Variants in OSBP2 observed in about 807,000 individuals in gnomAD.
OSBP2 encodes oxysterol binding protein 2.
Under a neutral mutation model 96.0 loss-of-function variants are expected in OSBP2, and 66 were observed. The observed-to-expected ratio is 0.69, with a 90% confidence interval of 0.56 to 0.84. The LOEUF (loss-of-function observed/expected upper bound fraction) is 0.84. OSBP2 is among the 40% of genes least tolerant of loss of function. The probability of loss-of-function intolerance (pLI) is 0.00; values close to 1 mark genes in which losing one functional copy is unlikely to be tolerated. For missense variants in OSBP2, 1,038 were observed against 1,222.7 expected, an observed-to-expected ratio of 0.85 and a Z score of 2.25; for synonymous variants, 525 against 520.9, an observed-to-expected ratio of 1.01 and a Z score of -0.11.
chr22:30,858,021 G>C (rs1602366823), intron 2 of OSBP2, among the ~76,000 whole-genome samples: 1 of 152,204 alleles, frequency 6.6e-6, no homozygotes, highest in East Asian at 1.9e-4. Flanking sequence ...AGTATGCCGG[G>C]GGAAAGAGAG....
chr22:30,880,896 C>A (rs1190757410), intron 3 of OSBP2, among the ~76,000 whole-genome samples: 2 of 152,192 alleles, frequency 1.3e-5, no homozygotes, highest in African/African-American at 4.8e-5. Flanking sequence ...TGGCATGGCC[C>A]CTGACTTGGT....
intron 1 of OSBP2, among the ~76,000 whole-genome samples, chr22:30,725,555 A>AC (rs200599171): frequency 5.9e-5 from 9 of 151,444 alleles, no homozygotes; most frequent in South Asian, 2.1e-4. Context: ...CAAAAAAAAA[A>AC]ACACACAAAA....
At chr22:30,869,751 CT>C (rs1196065095) in intron 2 of OSBP2, among the ~76,000 whole-genome samples, 14 of 152,054 alleles carry the variant, frequency 9.2e-5, no homozygotes, top group Non-Finnish European at 1.6e-4. Flanking sequence ...TGCCCAGGCT[CT>C]TTTGGCAGAG....
At chr22:30,784,155 A>G (rs2090555703) in intron 2 of OSBP2, among the ~76,000 whole-genome samples, 1 of 149,070 alleles carries the variant, frequency 6.7e-6, no homozygotes, top group Non-Finnish European at 1.5e-5. Context: ...CTCCAGAAAC[A>G]GATTTATGTA....
At position 30,881,772 on chromosome 22, in the gene OSBP2, G is replaced by A; in HGVS notation, c.1108-5654G>A. Reference sequence around the variant, plus strand: ...CCTGGAGAAGGCCGGCAGCAGCAGAGGAGACCCTGGGAGTCAGGGATGGAC... The same window carrying A: ...CCTGGAGAAGGCCGGCAGCAGCAGAAGAGACCCTGGGAGTCAGGGATGGAC... On this transcript the variant is annotated intron_variant, in intron 3 of 13. Coordinates refer to ENST00000332585, the MANE Select transcript of OSBP2 (RefSeq NM_030758.4). The surrounding 1 kb of genome is among the most constrained non-coding windows in gnomAD (Gnocchi z 4.5). The A allele has an allele frequency of 1.5e-6, 2 of 1,304,212 alleles. No individual in the cohort carries two copies. Among genetic ancestry groups the A allele is most frequent in the Non-Finnish European group, 2.0e-6 (2 of 988,936 alleles). 80.8% of individuals were successfully genotyped at this position (1,304,212 alleles called of 1,614,324 possible).
intron 2 of OSBP2, among the ~76,000 whole-genome samples, chr22:30,776,005 A>G (rs1365364578): frequency 6.6e-6 from 1 of 151,980 alleles, no homozygotes; most frequent in Non-Finnish European, 1.5e-5. Flanking sequence ...CATGTTGTCC[A>G]GGCTGGTCTT....
rs1328720124 is a variant in OSBP2 at position 30,905,998 on chromosome 22, A to G, written c.2537A>G (p.Glu846Gly). Residue 846 changes from glutamate to glycine, a missense_variant, in exon 13 of 14, where the codon GAG becomes GGG. Physicochemically the swap from Glu to Gly is moderately conservative, Grantham distance 98. Around this residue, in one of 3 missense-constraint regions of OSBP2, gnomAD observed 737 missense variants for 913.3 expected, o/e 0.81. Transcript: ENST00000332585. The part of the protein sequence containing the change: ...EANTEKQRLE[E>G]KQRLSRRRRL... ...AATACCGAGAAGCAGCGGCTGGAGG[A>G]GAAGCAGCGCCTGTCGCGGCGCCGG... 2 of 1,595,256 alleles carry G rather than the reference A, an allele frequency of 1.3e-6. No homozygotes were observed. The highest frequency in any genetic ancestry group is 2.2e-5 in the South Asian group (2 of 89,326).
chr22:30,738,590 C>T (rs547432681), intron 1 of OSBP2, among the ~76,000 whole-genome samples: 2 of 150,988 alleles, frequency 1.3e-5, no homozygotes, highest in South Asian at 2.1e-4. Flanking sequence ...GACGGAGTTT[C>T]GCTCTTGTTG....
At chr22:30,773,248 A>G (rs1031524925) in intron 2 of OSBP2, 1 of 150,606 alleles carries the variant, frequency 6.6e-6, no homozygotes, top group African/African-American at 2.5e-5. Context: ...GCTTACAGGT[A>G]TGTGCCTGGT....
chr22:30,803,633 G>A (rs1200897738), intron 2 of OSBP2, among the ~76,000 whole-genome samples: 2 of 152,222 alleles, frequency 1.3e-5, no homozygotes, highest in African/African-American at 4.8e-5. Flanking sequence ...GGGGCTACAA[G>A]CGAGAAGTAG....
intron 2 of OSBP2, among the ~76,000 whole-genome samples, chr22:30,772,561 C>T (rs557810686): frequency 2.0e-5 from 3 of 152,310 alleles, no homozygotes; most frequent in Admixed American, 6.5e-5. Flanking sequence ...AGCCTGGCCA[C>T]AGAAGCCCTC....
intron 1 of OSBP2, among the ~76,000 whole-genome samples, chr22:30,732,612 C>T (rs1430686341): frequency 6.6e-6 from 1 of 152,200 alleles, no homozygotes; most frequent in South Asian, 2.1e-4. Context: ...ATCCTCTAAC[C>T]CAGCTGATCC....
chr22:30,759,651 C>T (rs1486248556), intron 2 of OSBP2, among the ~76,000 whole-genome samples: 1 of 152,070 alleles, frequency 6.6e-6, no homozygotes, highest in Admixed American at 6.6e-5. Flanking sequence ...CTAACACTTG[C>T]CCAAGATCAA....
intron 2 of OSBP2, among the ~76,000 whole-genome samples, chr22:30,765,491 G>C (rs1053473073): frequency 2.0e-5 from 3 of 152,134 alleles, no homozygotes. Context: ...TTACAGGCGT[G>C]AGCAACCACT....
intron 2 of OSBP2, among the ~76,000 whole-genome samples, chr22:30,858,216 G>A (rs948173295): frequency 6.3e-4 from 94 of 148,198 alleles, no homozygotes; most frequent in African/African-American, 1.9e-3. Context: ...GCGCAATCTC[G>A]GCTCACTGCA....
Position 30,835,480 on chromosome 22 carries a change from AG to A in OSBP2, c.854-34948del, listed in dbSNP as rs2147015765. On this transcript the variant is annotated intron_variant, in intron 2 of 13. Transcript: ENST00000332585. ...ATTTCTGGATTTCTAGTTCTATTCCAGTGATCTATATGTCTATCCTTATGCC... is the reference window on the plus strand; with the variant it reads ...ATTTCTGGATTTCTAGTTCTATTCCATGATCTATATGTCTATCCTTATGCC... Among the ~76,000 whole-genome samples, 3 of 152,288 alleles carry A rather than the reference AG, an allele frequency of 2.0e-5. No individual in the cohort carries two copies. In the East Asian group the frequency reaches 5.8e-4, roughly 29 times the overall value.
At chr22:30,858,364 T>C (rs566226676) in intron 2 of OSBP2, among the ~76,000 whole-genome samples, 3 of 150,766 alleles carry the variant, frequency 2.0e-5, no homozygotes, top group Non-Finnish European at 4.4e-5. Flanking sequence ...GCCAGGATGG[T>C]CTCGATCTCC....
At chr22:30,884,089 C>T (rs1281071818) in intron 3 of OSBP2, among the ~76,000 whole-genome samples, 1 of 152,230 alleles carries the variant, frequency 6.6e-6, no homozygotes, top group African/African-American at 2.4e-5. Flanking sequence ...ACAGTGACTG[C>T]AGTCCCACAC....
At chr22:30,699,443 T>C (rs1427057761) in intron 1 of OSBP2, among the ~76,000 whole-genome samples, 1 of 152,246 alleles carries the variant, frequency 6.6e-6, no homozygotes, top group Non-Finnish European at 1.5e-5. Context: ...ATTTCTGGGT[T>C]GTAGAGAATT....
Sources: allele counts gnomAD v4.1 joint callset (sites outside exome capture counted in the v4.1 genomes callset), GRCh38; gene constraint gnomAD v4.1.1; regional missense constraint gnomAD v4.1.1; non-coding constraint Gnocchi (gnomAD v3.1); transcripts MANE v1.5; gene names NCBI Gene and HGNC (gene_info 2026-07-23, HGNC 2026-07-21).